TCF4: variants seen among roughly 807,000 people sequenced by gnomAD.
TCF4 encodes transcription factor 4.
In TCF4, 3 loss-of-function variants were observed where a neutral mutation model predicts 82.1. The observed-to-expected ratio is 0.04, with a 90% CI of 0.02 to 0.09. TCF4 has a LOEUF of 0.09. Ranked by LOEUF, TCF4 falls within the 10% of genes least tolerant of loss-of-function variation. TCF4 has a pLI of 1.00. For missense variants in TCF4, 518 were observed against 852.7 expected (o/e 0.61, Z 4.89); for synonymous variants, 276 against 309.6 (o/e 0.89, Z 1.14).
intron 5 of TCF4, among the ~76,000 whole-genome samples, chr18:55,425,689 G>A (rs964708609): frequency 1.3e-5 from 2 of 152,154 alleles, no homozygotes; most frequent in African/African-American, 4.8e-5. Context: ...AGATGTGTAC[G>A]TTGGGCTCTT....
intron 3 of TCF4, among the ~76,000 whole-genome samples, chr18:55,545,704 C>A (rs1443029132): frequency 6.6e-6 from 1 of 152,174 alleles, no homozygotes; most frequent in Admixed American, 6.5e-5. Flanking sequence ...CCTGCCTCGG[C>A]CTCCCAAAGT....
exon 1 of TCF4, chr18:55,635,893 A>G (rs1453824663): frequency 1.3e-6 from 2 of 1,570,386 alleles, no homozygotes; most frequent in South Asian, 1.2e-5. Flanking sequence ...CCTTTTAGAA[A>G]ACATGGTGTT....
At chr18:55,495,822 C>T (rs779134196) in intron 3 of TCF4, 8 of 152,046 alleles carry the variant, frequency 5.3e-5, no homozygotes, top group Non-Finnish European at 1.2e-4. Flanking sequence ...CATTTTCCAC[C>T]GCTCTTTAAT....
At chr18:55,370,940 T>C (rs1435978180) in intron 6 of TCF4, among the ~76,000 whole-genome samples, 3 of 152,224 alleles carry the variant, frequency 2.0e-5, no homozygotes. Context: ...TTTTATACTA[T>C]GCTATATACT....
chr18:55,397,197 A>G (rs1490760104), intron 6 of TCF4, among the ~76,000 whole-genome samples: 1 of 152,218 alleles, frequency 6.6e-6, no homozygotes, highest in African/African-American at 2.4e-5. Flanking sequence ...ACAGCAGCAT[A>G]GCTCAATATT....
At chr18:55,482,753 T>A (rs1201761127) in intron 3 of TCF4, 1 of 152,196 alleles carries the variant, frequency 6.6e-6, no homozygotes, top group Non-Finnish European at 1.5e-5. Flanking sequence ...AACACTCAAG[T>A]ACTTCATTGG....
intron 3 of TCF4, among the ~76,000 whole-genome samples, chr18:55,474,998 G>T (rs2096262411): frequency 6.6e-6 from 1 of 152,112 alleles, no homozygotes; most frequent in South Asian, 2.1e-4. Context: ...TGTGTAAGTT[G>T]CATCAATTAT....
chr18:55,393,463 C>T (rs1470519755), intron 6 of TCF4, among the ~76,000 whole-genome samples: 1 of 152,174 alleles, frequency 6.6e-6, no homozygotes, highest in East Asian at 1.9e-4. Context: ...CTTCATATTA[C>T]TTCCTATTCT....
In TCF4 at chr18:55,438,714, G is replaced by T. The variant is rs532673663; in HGVS notation, c.304+22305C>A. ...AACAAGGACTACAGGACAAAACTGT[G>T]TACTGGATGAAAGTTTCTTCAGCCC... On this transcript the variant is annotated intron_variant, in intron 5 of 19. Coordinates refer to ENST00000354452, the MANE Select transcript of TCF4 (RefSeq NM_001083962.2). Among the ~76,000 whole-genome samples the T allele has an allele frequency of 4.6e-5, 7 of 152,276 alleles. No homozygotes were observed. The South Asian group carries it at 1.2e-3, about 27-fold the overall frequency.
chr18:55,270,044 C>T (rs1220773673), intron 10 of TCF4, 81 bp from the exon 11 acceptor site: 5 of 1,564,008 alleles, frequency 3.2e-6, no homozygotes, highest in African/African-American at 1.4e-5. Context: ...TTTCTCACAA[C>T]TCTCTATTTT....
At chr18:55,526,372 C>A (rs1260523883) in intron 3 of TCF4, among the ~76,000 whole-genome samples, 2 of 152,170 alleles carry the variant, frequency 1.3e-5, no homozygotes, top group East Asian at 3.9e-4. Flanking sequence ...TGGAAATACT[C>A]TTTAATTGAA....
At chr18:55,588,733 C>T (rs371837942), upstream of TCF4, 65 of 1,271,052 alleles carry the variant, frequency 5.1e-5, 1 homozygote, top group South Asian at 1.7e-3. Context: ...GCCACATTTT[C>T]CTGGGGAGAT....
intron 3 of TCF4, among the ~76,000 whole-genome samples, chr18:55,485,282 T>C (rs2145678461): frequency 6.6e-6 from 1 of 152,310 alleles, no homozygotes. Flanking sequence ...GAGTCAGGGT[T>C]TTCTTTTGTT....
intron 15 of TCF4, 79 bp from the exon 16 acceptor site, chr18:55,234,762 A>ATTC: frequency 6.2e-7 from 1 of 1,606,896 alleles, no homozygotes; most frequent in Non-Finnish European, 8.5e-7. Flanking sequence ...AGAGGACCTG[A>ATTC]TGAAGGCTGG....
intron 2 of TCF4, among the ~76,000 whole-genome samples, chr18:55,595,627 GA>G (rs1269542499): frequency 6.6e-6 from 1 of 152,148 alleles, no homozygotes; most frequent in African/African-American, 2.4e-5. Flanking sequence ...GGGAGTTTAG[GA>G]AAAGGAAAAG....
At position 55,587,022 on chromosome 18, in the gene TCF4, T is replaced by TA. The variant is rs779868107; in HGVS notation, c.72+22dup. 9 of 1,607,044 alleles carry TA rather than the reference T, an allele frequency of 5.6e-6. No individual in the cohort carries two copies. The East Asian group carries it at 2.0e-4, about 36-fold the overall frequency. ...GTTTTGTTTTTTTCACAGCTGTTGT[T>TA]AGTTTCCACCGTTCTTTCTTACCGC... On this transcript the variant is annotated intron_variant, in intron 2 of 19. Transcript: ENST00000354452.
chr18:55,233,100 C>T (rs2048358622), intron 16 of TCF4, among the ~76,000 whole-genome samples: 1 of 152,180 alleles, frequency 6.6e-6, no homozygotes. Flanking sequence ...GTCAAGACTT[C>T]AATAGGTACC....
Position 55,275,601 on chromosome 18 carries a change from C to T in TCF4, c.789+18G>A, listed in dbSNP as rs541018682. The T allele has an allele frequency of 3.5e-5, 57 of 1,613,516 alleles. No homozygotes were observed. The highest frequency in any genetic ancestry group is 2.0e-4 in the East Asian group (9 of 44,856). ...CAACTAGCTGTGACATTCCCGTTAC[C>T]GTGTATGTCTGCCTTACCAAACGTT... On this transcript the variant is annotated intron_variant, in intron 10 of 19. Transcript: ENST00000354452.
chr18:55,349,681 AAG>A (rs2081941917), intron 8 of TCF4, among the ~76,000 whole-genome samples: 2 of 152,138 alleles, frequency 1.3e-5, no homozygotes, highest in Admixed American at 6.6e-5. Flanking sequence ...CTAGGAACGT[AAG>A]AATTCAAAAT....
Sources: gnomAD v4.1 joint callset for allele counts (sites outside exome capture counted in the v4.1 genomes callset) on GRCh38, gnomAD v4.1.1 for gene constraint, MANE v1.5 for transcripts, NCBI Gene and HGNC (gene_info 2026-07-23, HGNC 2026-07-21) for gene names.